The following AFG2A variants were observed in gnomAD, a reference collection of about 807,000 sequenced individuals.
AFG2A encodes the protein AAA ATPase AFG2A, also known as ATPase family gene 2 protein homolog A.
the AFG2A span, among the ~76,000 whole-genome samples, chr4:123,151,841 G>C: frequency 6.6e-6 from 1 of 152,208 alleles, no homozygotes; most frequent in African/African-American, 2.4e-5. Flanking sequence ...GTTTATTGCA[G>C]CACTATTCAC....
the AFG2A span, among the ~76,000 whole-genome samples, chr4:122,956,781 G>T: frequency 2.0e-5 from 3 of 152,288 alleles, no homozygotes; most frequent in South Asian, 6.2e-4. Context: ...GGGAAAATAT[G>T]TTTGGTTTTG....
chr4:123,311,625 CAAAAAAAAAAAAAAAAAAAAAA>C, the AFG2A span, among the ~76,000 whole-genome samples: 4 of 92,234 alleles, frequency 4.3e-5, no homozygotes, highest in African/African-American at 1.8e-4. Context: ...GACTCTGTCT[CAAAAAAAAAAAAAAAAAAAAAA>C]AAAAAAAAAG....
At chr4:123,083,559 CT>C in the AFG2A span, among the ~76,000 whole-genome samples, 20,614 of 132,806 alleles carry the variant, frequency 0.16, 1,376 homozygotes, top group Middle Eastern at 0.23. Context: ...TATAATTATT[CT>C]TTTTTTTTTT....
chr4:123,017,941 C>T, the AFG2A span, among the ~76,000 whole-genome samples: 1 of 152,136 alleles, frequency 6.6e-6, no homozygotes, highest in East Asian at 1.9e-4. Context: ...CTACGGAATT[C>T]CTCTCTCATA....
chr4:123,041,464 A>G, the AFG2A span, among the ~76,000 whole-genome samples: 4 of 151,228 alleles, frequency 2.6e-5, no homozygotes, highest in African/African-American at 9.7e-5. Flanking sequence ...TTAGCCTCAA[A>G]TATTGATTTT....
chr4:122,940,708 A>T, the AFG2A span, among the ~76,000 whole-genome samples: 1 of 152,210 alleles, frequency 6.6e-6, no homozygotes, highest in African/African-American at 2.4e-5. Flanking sequence ...GTCCTTACCC[A>T]TGCCTATGTC....
chr4:123,196,210 C>A, the AFG2A span, among the ~76,000 whole-genome samples: 1 of 125,744 alleles, frequency 8.0e-6, no homozygotes, highest in Non-Finnish European at 1.7e-5. Flanking sequence ...GGAGTTTCAC[C>A]ATGTGAGCCA....
chr4:122,944,104 A>G, the AFG2A span, among the ~76,000 whole-genome samples: 1 of 152,162 alleles, frequency 6.6e-6, no homozygotes, highest in East Asian at 1.9e-4. Flanking sequence ...GAATCTGACA[A>G]TTATGTGTCT....
At chr4:123,300,641 CAT>C in the AFG2A span, among the ~76,000 whole-genome samples, 1 of 152,222 alleles carries the variant, frequency 6.6e-6, no homozygotes, top group African/African-American at 2.4e-5. Context: ...TGAAATTACA[CAT>C]AGTTAATACA....
chr4:123,171,049 A>T, the AFG2A span, among the ~76,000 whole-genome samples: 2 of 152,196 alleles, frequency 1.3e-5, no homozygotes, highest in Non-Finnish European at 2.9e-5. Flanking sequence ...AAATAAAACC[A>T]GTAGGATTTC....
At chr4:123,043,568 C>G in the AFG2A span, among the ~76,000 whole-genome samples, 7 of 152,180 alleles carry the variant, frequency 4.6e-5, no homozygotes, top group South Asian at 2.1e-4. Flanking sequence ...AGTGATGATA[C>G]CAGTCATTTA....
the AFG2A span, among the ~76,000 whole-genome samples, chr4:123,233,763 G>A: frequency 6.6e-6 from 1 of 151,784 alleles, no homozygotes; most frequent in Non-Finnish European, 1.5e-5. Context: ...TCCATTTGCA[G>A]TGTTTATGTA....
chr4:122,930,291 A>G, the AFG2A span, among the ~76,000 whole-genome samples: 3 of 152,322 alleles, frequency 2.0e-5, no homozygotes, highest in East Asian at 1.9e-4. Flanking sequence ...CTTGGTTTGC[A>G]TATACAAGTC....
chr4:123,195,511 A>G, the AFG2A span, among the ~76,000 whole-genome samples: 1 of 152,196 alleles, frequency 6.6e-6, no homozygotes, highest in Non-Finnish European at 1.5e-5. Flanking sequence ...AGAAAAAGGG[A>G]TTATGAGTTT....
the AFG2A span, among the ~76,000 whole-genome samples, chr4:123,211,995 G>A: frequency 6.6e-6 from 1 of 152,104 alleles, no homozygotes; most frequent in Non-Finnish European, 1.5e-5. Flanking sequence ...TGTATTGAAG[G>A]TGGGAACAAG....
At chr4:123,047,194 T>A in the AFG2A span, among the ~76,000 whole-genome samples, 4 of 152,212 alleles carry the variant, frequency 2.6e-5, no homozygotes, top group Admixed American at 6.5e-5. Flanking sequence ...TAAATGGCTA[T>A]ACTAATTTAC....
At chr4:123,160,051 C>T in the AFG2A span, among the ~76,000 whole-genome samples, 1 of 151,526 alleles carries the variant, frequency 6.6e-6, no homozygotes, top group East Asian at 1.9e-4. Flanking sequence ...TGTTCAGAGA[C>T]TCCTTCTAGA....
the AFG2A span, among the ~76,000 whole-genome samples, chr4:123,182,148 A>T: frequency 6.6e-6 from 1 of 152,242 alleles, no homozygotes; most frequent in Non-Finnish European, 1.5e-5. Flanking sequence ...ATGTGAAACT[A>T]AGATACCGTT....
the AFG2A span, among the ~76,000 whole-genome samples, chr4:122,935,044 G>T: frequency 6.6e-6 from 1 of 152,136 alleles, no homozygotes; most frequent in Non-Finnish European, 1.5e-5. Flanking sequence ...TGACTGAAGG[G>T]ATAAACCATT....
Sources: allele counts gnomAD v4.1 joint callset (sites outside exome capture counted in the v4.1 genomes callset), GRCh38; gene constraint gnomAD v4.1.1; transcripts MANE v1.5; gene names NCBI Gene and HGNC (gene_info 2026-07-23, HGNC 2026-07-21).